ICA1: variants seen among roughly 807,000 people sequenced by gnomAD.
ICA1 encodes the protein islet cell autoantigen 1.
A neutral mutation model predicts 71.0 loss-of-function variants in ICA1; 40 were observed. The observed-to-expected ratio is 0.56, with a 90% CI of 0.44 to 0.73. ICA1 has a LOEUF of 0.73. ICA1 is among the 30% of genes least tolerant of loss of function. The pLI, the probability that ICA1 is intolerant of heterozygous loss-of-function variation, is 0.00. For synonymous variants in ICA1, 207 were observed against 209.5 expected, an observed-to-expected ratio of 0.99 and a Z score of 0.10; for missense variants, 578 against 576.5, an observed-to-expected ratio of 1.00 and a Z score of -0.03.
At chr7:8,159,363 C>A (rs977125159) in intron 6 of ICA1, among the ~76,000 whole-genome samples, 2 of 152,198 alleles carry the variant, frequency 1.3e-5, no homozygotes, top group African/African-American at 2.4e-5. Context: ...CTATTTTACA[C>A]ATTATTTCAT....
intron 5 of ICA1, 143 bp from the exon 6 acceptor site, chr7:8,218,646 A>G (rs961146934): frequency 2.9e-6 from 2 of 681,324 alleles, no homozygotes; most frequent in Non-Finnish European, 5.2e-6. Flanking sequence ...CTGAATAATA[A>G]TCGAAATGCA....
In ICA1 at chr7:8,193,623, T is replaced by G. The variant is rs76237375; in HGVS notation, c.579+24682A>C. On this transcript the variant is annotated intron_variant, in intron 6 of 13. Transcript: ENST00000402384. ...AAGAAAATGGTGGTGGCAAAAGCAT[T>G]CTATCCTTCAAATCCTTCCCTCTGT... Among the ~76,000 whole-genome samples the G allele has an allele frequency of 7.7e-3, 1,166 of 152,342 alleles. 13 individuals are homozygous for G. The highest frequency in any genetic ancestry group is 0.026 in the African/African-American group (1,101 of 41,576).
chr7:8,151,119 A>T (rs1477228730), intron 8 of ICA1, among the ~76,000 whole-genome samples: 1 of 152,266 alleles, frequency 6.6e-6, no homozygotes, highest in Non-Finnish European at 1.5e-5. Flanking sequence ...ACCTTGGCAC[A>T]CTGTGTGACA....
rs182756415 is a variant in ICA1 at position 8,244,686 on chromosome 7, G to A, written c.-79-8681C>T. ...TGATAAAGGGATAATATCCAGAATC[G>A]ACAAAGAATGTAAACAAATTTACAA... On this transcript the variant is annotated intron_variant, in intron 1 of 13. Coordinates refer to ENST00000402384, the MANE Select transcript of ICA1 (RefSeq NM_001136020.3). Among the ~76,000 whole-genome samples, 30 of 152,114 alleles carry A rather than the reference G, an allele frequency of 2.0e-4. 1 individual carries two copies. The East Asian group carries it at 5.8e-3, about 29-fold the overall frequency.
intron 6 of ICA1, among the ~76,000 whole-genome samples, chr7:8,170,542 T>C (rs933717025): frequency 4.6e-5 from 7 of 152,162 alleles, no homozygotes; most frequent in African/African-American, 1.4e-4. Context: ...AGGTCTTGCA[T>C]ATATTTTGTT....
At chr7:8,169,092 T>C (rs1024795111) in intron 6 of ICA1, among the ~76,000 whole-genome samples, 5 of 152,176 alleles carry the variant, frequency 3.3e-5, no homozygotes, top group African/African-American at 1.2e-4. Context: ...TACAGTTTCA[T>C]ATAAATAGAA....
intron 6 of ICA1, among the ~76,000 whole-genome samples, chr7:8,165,009 G>A (rs967649562): frequency 6.6e-6 from 1 of 152,098 alleles, no homozygotes; most frequent in African/African-American, 2.4e-5. Flanking sequence ...CCCAGGAGGT[G>A]GAGGCTGCAG....
chr7:8,260,920 A>G (rs1812088208), intron 1 of ICA1, among the ~76,000 whole-genome samples: 1 of 152,204 alleles, frequency 6.6e-6, no homozygotes, highest in Admixed American at 6.5e-5. Flanking sequence ...ACAGAAACCA[A>G]TTTGAGATTT....
chr7:8,258,921 A>G (rs929867425), intron 1 of ICA1, among the ~76,000 whole-genome samples: 3 of 152,212 alleles, frequency 2.0e-5, no homozygotes, highest in Non-Finnish European at 4.4e-5. Flanking sequence ...ATATCTACTT[A>G]TCTCAAAGGG....
chr7:8,192,674 G>C (rs78651990), intron 6 of ICA1, among the ~76,000 whole-genome samples: 26 of 133,762 alleles, frequency 1.9e-4, no homozygotes, highest in African/African-American at 7.2e-4. Flanking sequence ...ATGATGGCTT[G>C]CAAAATATGA....
chr7:8,209,564 C>T (rs569271427), intron 6 of ICA1, among the ~76,000 whole-genome samples: 4 of 152,180 alleles, frequency 2.6e-5, no homozygotes, highest in South Asian at 2.1e-4. Flanking sequence ...GTGTAAGACC[C>T]GGATTTTACA....
chr7:8,168,147 A>G lies in ICA1; in HGVS notation c.580-9495T>C, dbSNP rs1584827432. ...TCTAATTAACTCCTCTGCTTGCCTC[A>G]ATGAATCAAGAGGAATTTCTGTTTT... is the stretch of plus-strand genomic sequence containing the variant. On this transcript the variant is annotated intron_variant, in intron 6 of 13. Transcript: ENST00000402384. 3.9e-5 allele frequency among the ~76,000 whole-genome samples: 6 copies of G among 152,208 alleles called. No individual in the cohort carries two copies. The South Asian group carries it at 1.2e-3, about 32-fold the overall frequency.
chr7:8,133,846 C>CT (rs57086182), intron 12 of ICA1, among the ~76,000 whole-genome samples: 51,891 of 118,818 alleles, frequency 0.44, 11,644 homozygotes, highest in African/African-American at 0.54. Context: ...AAAAATCATA[C>CT]TTTTTTTTTT....
chr7:8,196,002 C>CAACAACAA (rs1562948396), intron 6 of ICA1, among the ~76,000 whole-genome samples: 1 of 26,534 alleles, frequency 3.8e-5, no homozygotes, highest in Non-Finnish European at 1.2e-4. Flanking sequence ...AACAACAACA[C>CAACAACAA]CAACACCAAC....
chr7:8,176,383 T>G (rs1309714340), intron 6 of ICA1, among the ~76,000 whole-genome samples: 2 of 152,236 alleles, frequency 1.3e-5, no homozygotes, highest in African/African-American at 4.8e-5. Context: ...CCTTTTCCTG[T>G]AATGCCCCTC....
intron 1 of ICA1, among the ~76,000 whole-genome samples, chr7:8,249,158 C>T (rs1002809793): frequency 2.0e-5 from 3 of 152,238 alleles, no homozygotes; most frequent in Non-Finnish European, 2.9e-5. Flanking sequence ...AATGCCATGG[C>T]AGAGGAAACT....
At chr7:8,146,727 G>A (rs577239670) in intron 8 of ICA1, among the ~76,000 whole-genome samples, 834 of 59,074 alleles carry the variant, frequency 0.014, 7 homozygotes, top group African/African-American at 0.058. Context: ...ACGTGTGTGC[G>A]TGTGTGTGCG....
In ICA1 at chr7:8,132,332, C is replaced by G. The variant is rs1230988338; in HGVS notation, c.1061-4190G>C. On this transcript the variant is annotated intron_variant, in intron 12 of 13. Transcript: ENST00000402384. This position sits in a 1 kb window ranked among gnomAD's most constrained non-coding sequence, Gnocchi z 4.5. ...TCCCCTAGCCGCAGGAGATGTGTGC[C>G]TATCTCAACAATAATCAGCCTTCAC... Among the ~76,000 whole-genome samples the G allele has an allele frequency of 6.6e-6, 1 of 152,132 alleles. No homozygotes were observed. The highest frequency in any genetic ancestry group is 2.4e-5 in the African/African-American group (1 of 41,420).
chr7:8,132,885 G>T lies in ICA1; in HGVS notation c.1061-4743C>A, dbSNP rs1002148979. On this transcript the variant is annotated intron_variant, in intron 12 of 13. Transcript: ENST00000402384. This position sits in a 1 kb window ranked among gnomAD's most constrained non-coding sequence, Gnocchi z 4.5. ...GGGAGCCCTTCTGGGTTTGCCCATT[G>T]GTGAAGCTGCTGGTGCTCCATAGAG... Among the ~76,000 whole-genome samples the T allele has an allele frequency of 1.3e-5, 2 of 152,198 alleles. No homozygotes were observed. Among genetic ancestry groups the T allele is most frequent in the African/African-American group, 4.8e-5 (2 of 41,438 alleles).
Sources: allele counts gnomAD v4.1 joint callset (sites outside exome capture counted in the v4.1 genomes callset), GRCh38; gene constraint gnomAD v4.1.1; non-coding constraint Gnocchi (gnomAD v3.1); transcripts MANE v1.5; gene names NCBI Gene and HGNC (gene_info 2026-07-23, HGNC 2026-07-21).